Variants in CRYBG3 observed in about 807,000 individuals in gnomAD.
CRYBG3 encodes very large A-kinase anchor protein.
A neutral mutation model predicts 244.2 loss-of-function variants in CRYBG3; 127 were observed. That is an observed-to-expected ratio of 0.52 (90% CI 0.45 to 0.60). The LOEUF is 0.60. CRYBG3 is among the 20% of genes least tolerant of loss of function. CRYBG3 has a pLI of 0.00. For synonymous variants in CRYBG3, 1,132 were observed against 1,195.8 expected (o/e 0.95, Z 1.10); for missense variants, 3,325 against 3,442.5 (o/e 0.97, Z 0.85).
At chr3:97,848,485 T>C (rs942013523) in intron 2 of CRYBG3, among the ~76,000 whole-genome samples, 1 of 152,134 alleles carries the variant, frequency 6.6e-6, no homozygotes, top group East Asian at 1.9e-4. Context: ...GTATTTTTAG[T>C]AGAGACAAGG....
Position 97,881,153 on chromosome 3 carries a change from G to C in CRYBG3, c.7086G>C (p.Trp2362Cys). ...EEGEKVLNRD[W>C]ILQNRRHPQR... is the part of the protein sequence containing the mutation. Reference sequence around the variant, plus strand: ...GGGAAAAGGTGTTAAATCGTGACTGGATTCTTCAGAACAGAAGGCATCCAC... The same window carrying C: ...GGGAAAAGGTGTTAAATCGTGACTGCATTCTTCAGAACAGAAGGCATCCAC... Residue 2362 changes from tryptophan (W) to cysteine (C), a missense_variant, in exon 7 of 22, where the codon TGG (tryptophan) becomes TGC (cysteine). Physicochemically the swap from Trp to Cys is radical, Grantham distance 215. Around this residue, in one of 4 missense-constraint regions of CRYBG3, gnomAD observed 714 missense variants for 803.6 expected, o/e 0.89. Coordinates refer to ENST00000389622, the MANE Select transcript of CRYBG3 (RefSeq NM_153605.4). 1 of 1,612,332 alleles carries C rather than the reference G, an allele frequency of 6.2e-7. No individual in the cohort carries two copies. The highest frequency in any genetic ancestry group is 8.5e-7 in the Non-Finnish European group (1 of 1,178,982).
At chr3:97,901,076 G>A (rs1006383806) in intron 15 of CRYBG3, among the ~76,000 whole-genome samples, 1 of 152,100 alleles carries the variant, frequency 6.6e-6, no homozygotes, top group African/African-American at 2.4e-5. Flanking sequence ...CCCATTTATA[G>A]ACAATAAATC....
chr3:97,931,208 A>G (rs1480990947), intron 17 of CRYBG3, among the ~76,000 whole-genome samples: 1 of 152,092 alleles, frequency 6.6e-6, no homozygotes. Context: ...CATTTCTGAC[A>G]TGGTGCTGAA....
rs867067233 is a variant in CRYBG3 at position 97,876,995 on chromosome 3, C to A, written c.5801C>A (p.Ser1934Tyr). The stretch of plus-strand genomic sequence containing the variant: ...CCTACATATTTCAGGGGATATGAAT[C>A]CCCTACATTAAGTAAGGATTATGAG... ...RLPTYFRGYE[S>Y]PTLSKDYEGY... Residue 1934 changes from serine to tyrosine, a missense_variant, in exon 4 of 22, where the codon TCC becomes TAC. This residue lies in a region of CRYBG3 where 450 missense variants were observed against 424.1 expected (regional missense o/e 1.06). Coordinates refer to ENST00000389622, the MANE Select transcript of CRYBG3 (RefSeq NM_153605.4). 2.6e-6 allele frequency: 4 copies of A among 1,523,530 alleles called. No homozygotes were observed. The highest frequency in any genetic ancestry group is 1.3e-5 in the South Asian group (1 of 74,086). The allele number at this position is 1,523,530 out of a possible 1,614,324, so 94.4% of individuals were successfully genotyped here.
intron 2 of CRYBG3, among the ~76,000 whole-genome samples, chr3:97,857,293 A>G (rs777655106): frequency 2.0e-5 from 3 of 152,080 alleles, no homozygotes; most frequent in Admixed American, 6.6e-5. Flanking sequence ...GGCCTGAAAT[A>G]TGATGTGTTC....
chr3:97,855,092 T>A (rs984830929), intron 2 of CRYBG3, among the ~76,000 whole-genome samples: 1 of 152,166 alleles, frequency 6.6e-6, no homozygotes, highest in Non-Finnish European at 1.5e-5. Context: ...GTTTTTCTGT[T>A]TCAGATGATC....
At chr3:97,863,207 G>C (rs573800449) in intron 2 of CRYBG3, among the ~76,000 whole-genome samples, 2 of 152,220 alleles carry the variant, frequency 1.3e-5, no homozygotes, top group Non-Finnish European at 2.9e-5. Context: ...GAGCATAATA[G>C]GTGACAGAGA....
At chr3:97,856,686 T>G (rs900775968) in intron 2 of CRYBG3, among the ~76,000 whole-genome samples, 7 of 152,174 alleles carry the variant, frequency 4.6e-5, no homozygotes, top group African/African-American at 1.7e-4. Flanking sequence ...CTCTAGGTTT[T>G]TTTTGTTTGT....
intron 2 of CRYBG3, among the ~76,000 whole-genome samples, chr3:97,845,304 T>C (rs2038884800): frequency 1.3e-5 from 2 of 152,208 alleles, no homozygotes; most frequent in African/African-American, 4.8e-5. Flanking sequence ...AAGACAAGTT[T>C]GAACTACAAA....
At chr3:97,895,933 C>A in intron 11 of CRYBG3, 26 bp from the exon 12 acceptor site, 1 of 1,604,866 alleles carries the variant, frequency 6.2e-7, no homozygotes, top group South Asian at 1.1e-5. Context: ...ATTAATGGGT[C>A]ATTTGGGTGT....
At chr3:97,879,621 G>C in intron 4 of CRYBG3, 83 bp from the exon 5 acceptor site, 1 of 916,468 alleles carries the variant, frequency 1.1e-6, no homozygotes, top group East Asian at 2.5e-5. Flanking sequence ...TGATAAATTG[G>C]ATACAAGACT....
At chr3:97,916,666 A>G (rs2039932551) in intron 17 of CRYBG3, among the ~76,000 whole-genome samples, 1 of 152,166 alleles carries the variant, frequency 6.6e-6, no homozygotes, top group Admixed American at 6.6e-5. Context: ...CTCCAAGGAT[A>G]ATAGCCATAC....
In CRYBG3 at chr3:97,872,982, A is replaced by G. The variant is rs1255431970; in HGVS notation, c.1788A>G (p.Glu596=). 4 of 1,535,662 alleles carry G rather than the reference A, an allele frequency of 2.6e-6. No homozygotes were observed. In the East Asian group the frequency reaches 7.3e-5, roughly 28 times the overall value. Residue 596 remains glutamate, a synonymous_variant, in exon 4 of 22, where the codon GAA becomes GAG. Coordinates refer to ENST00000389622, the MANE Select transcript of CRYBG3 (RefSeq NM_153605.4). The part of the protein sequence containing the change: ...KDLASLNYIS[E]SAVVASLGNE... ...TGGCCTCTTTAAATTACATCAGTGA[A>G]TCAGCAGTTGTAGCAAGCTTAGGAA...
chr3:97,921,717 C>G (rs2039986694), intron 17 of CRYBG3, among the ~76,000 whole-genome samples: 1 of 152,128 alleles, frequency 6.6e-6, no homozygotes. Flanking sequence ...CATATATAGA[C>G]AGGAGCAAGA....
chr3:97,940,467 G>C (rs566618223), intron 19 of CRYBG3, among the ~76,000 whole-genome samples: 2 of 152,086 alleles, frequency 1.3e-5, no homozygotes, highest in South Asian at 2.1e-4. Flanking sequence ...CACATACTAC[G>C]TGTTCAATAA....
chr3:97,833,743 A>G (rs878872662), intron 1 of CRYBG3, among the ~76,000 whole-genome samples: 1 of 152,188 alleles, frequency 6.6e-6, no homozygotes, highest in Admixed American at 6.6e-5. Context: ...CTAAAAGATT[A>G]CAAAACAGAG....
intron 2 of CRYBG3, among the ~76,000 whole-genome samples, chr3:97,851,368 G>A (rs999347112): frequency 3.9e-5 from 6 of 152,090 alleles, no homozygotes; most frequent in South Asian, 2.1e-4. Context: ...TTTAGTTACC[G>A]TTAATAACTT....
In CRYBG3 at chr3:97,875,706, T is replaced by G; in HGVS notation, c.4512T>G (p.Ser1504=). The G allele has an allele frequency of 8.1e-7, 1 of 1,232,288 alleles. No homozygotes were observed. The highest frequency in any genetic ancestry group is 1.0e-6 in the Non-Finnish European group (1 of 988,164). The allele number at this position is 1,232,288 out of a possible 1,614,324, so 76.3% of individuals were successfully genotyped here. A position where few individuals can be genotyped will look rare whatever the true frequency, so the allele number is the denominator to read the frequency against. ...SSLSDSLVCI[S]EKNLPGHSKN... is the part of the protein sequence containing the mutation. ...TGTCTGATAGCCTTGTATGTATATC[T>G]GAAAAAAACTTGCCAGGACACAGTA... The change falls in exon 4 of 22, where the codon TCT becomes TCG. Residue 1504 remains serine (S), a synonymous_variant. Transcript: ENST00000389622.
chr3:97,868,935 C>G (rs2039268754), intron 3 of CRYBG3, among the ~76,000 whole-genome samples: 2 of 151,746 alleles, frequency 1.3e-5, no homozygotes, highest in African/African-American at 4.8e-5. Flanking sequence ...AGAATTACTT[C>G]TGTGATCTTT....
Sources: allele counts gnomAD v4.1 joint callset (sites outside exome capture counted in the v4.1 genomes callset), GRCh38; gene constraint gnomAD v4.1.1; regional missense constraint gnomAD v4.1.1; transcripts MANE v1.5; gene names NCBI Gene and HGNC (gene_info 2026-07-23, HGNC 2026-07-21).